UVRAG: variants seen among roughly 807,000 people sequenced by gnomAD.
UVRAG encodes the protein UV radiation resistance associated, also known as UV radiation resistance-associated gene protein.
In UVRAG, 19 loss-of-function variants were observed where a neutral mutation model predicts 78.0. The observed-to-expected ratio is 0.24, with a 90% CI of 0.17 to 0.36. UVRAG has a LOEUF of 0.36. Ranked by LOEUF, UVRAG falls within the 10% of genes least tolerant of loss-of-function variation. The pLI, the probability that UVRAG is intolerant of heterozygous loss-of-function variation, is 1.00. For synonymous variants in UVRAG, 323 were observed against 324.6 expected, an observed-to-expected ratio of 1.00 and a Z score of 0.05; for missense variants, 740 against 853.8, an observed-to-expected ratio of 0.87 and a Z score of 1.66.
chr11:76,102,394 G>A (rs967639497), intron 13 of UVRAG, among the ~76,000 whole-genome samples: 1 of 152,088 alleles, frequency 6.6e-6, no homozygotes, highest in Non-Finnish European at 1.5e-5. Context: ...TGTTGGGAAT[G>A]CTAGTGATTT....
chr11:75,856,076 G>C (rs1265002478), intron 2 of UVRAG, among the ~76,000 whole-genome samples: 2 of 151,998 alleles, frequency 1.3e-5, no homozygotes. Flanking sequence ...TGCAAGCTCC[G>C]CCTCCTGGGT....
chr11:75,981,608 C>T (rs764289868), intron 7 of UVRAG, among the ~76,000 whole-genome samples: 2 of 152,106 alleles, frequency 1.3e-5, no homozygotes, highest in Non-Finnish European at 2.9e-5. Context: ...AGCCATCTTG[C>T]CTGGCTCCAT....
At chr11:75,868,413 G>GA (rs1467775092) in intron 3 of UVRAG, among the ~76,000 whole-genome samples, 2 of 152,186 alleles carry the variant, frequency 1.3e-5, no homozygotes, top group Non-Finnish European at 2.9e-5. Flanking sequence ...ACAGCAGAGG[G>GA]AATGGCCTGG....
chr11:75,889,367 A>G (rs1490807810), intron 5 of UVRAG, among the ~76,000 whole-genome samples: 2 of 152,250 alleles, frequency 1.3e-5, no homozygotes, highest in Non-Finnish European at 2.9e-5. Context: ...AGTACCTACT[A>G]TCTATGGTAC....
At chr11:75,946,469 A>G (rs754511466) in intron 6 of UVRAG, among the ~76,000 whole-genome samples, 5 of 152,238 alleles carry the variant, frequency 3.3e-5, no homozygotes, top group Non-Finnish European at 7.3e-5. Flanking sequence ...GTGGCTTAAA[A>G]TAATACCTGT....
intron 6 of UVRAG, among the ~76,000 whole-genome samples, chr11:75,922,389 A>G (rs1947997492): frequency 6.6e-6 from 1 of 152,074 alleles, no homozygotes; most frequent in Admixed American, 6.5e-5. Context: ...AATCTTATTT[A>G]TATTTAGTAA....
chr11:75,876,029 A>AAAAG (rs10659328), intron 3 of UVRAG, among the ~76,000 whole-genome samples: 10,359 of 152,146 alleles, frequency 0.068, 512 homozygotes, highest in African/African-American at 0.14. Context: ...GAAAAAAAGA[A>AAAAG]AAAGAATGTG....
rs1293400978 is a variant in UVRAG, at chr11:76,116,051, A to G, written c.1397+36A>G. On this transcript the variant is annotated intron_variant, in intron 14 of 14. Transcript: ENST00000356136. ...TTATCTCTGATAACCAGAAACTGTA[A>G]TGTGGATAGGATCCTGAAAATCTTT... 3.8e-6 allele frequency: 6 copies of G among 1,585,994 alleles called. No individual in the cohort carries two copies. In the Admixed American group the frequency reaches 8.4e-5, roughly 22 times the overall value.
intron 5 of UVRAG, among the ~76,000 whole-genome samples, chr11:75,909,100 C>T (rs1947680682): frequency 6.6e-6 from 1 of 152,066 alleles, no homozygotes; most frequent in Non-Finnish European, 1.5e-5. Context: ...GTAATCCCAG[C>T]ACTTTGGGAG....
chr11:75,880,045 T>G lies in UVRAG; in HGVS notation c.432+5T>G, dbSNP rs1181176157. ...CTGAAATACTTGGGTCAGCAGGTAATTTTTAGACTGTAGTTTCAAGTAGTT... is the reference window on the plus strand; with the variant it reads ...CTGAAATACTTGGGTCAGCAGGTAAGTTTTAGACTGTAGTTTCAAGTAGTT... On this transcript the variant is annotated splice_donor_5th_base_variant and intron_variant, in intron 4 of 14. Coordinates refer to ENST00000356136, the MANE Select transcript of UVRAG (RefSeq NM_003369.4). The G allele has an allele frequency of 6.2e-7, 1 of 1,613,738 alleles. No individual in the cohort carries two copies. Among genetic ancestry groups the G allele is most frequent in the East Asian group, 2.2e-5 (1 of 44,874 alleles).
intron 8 of UVRAG, among the ~76,000 whole-genome samples, chr11:75,998,595 T>C (rs973145664): frequency 6.6e-5 from 10 of 152,094 alleles, no homozygotes; most frequent in African/African-American, 2.4e-4. Context: ...ACGAAGTAGC[T>C]TGAGTGTAAG....
intron 8 of UVRAG, among the ~76,000 whole-genome samples, chr11:75,984,180 T>A: frequency 6.6e-6 from 1 of 152,230 alleles, no homozygotes; most frequent in East Asian, 1.9e-4. Context: ...TGATATTTTC[T>A]TGCTATGCTA....
chr11:76,097,478 T>C (rs1261708060), intron 13 of UVRAG, among the ~76,000 whole-genome samples: 4 of 152,230 alleles, frequency 2.6e-5, no homozygotes, highest in Non-Finnish European at 2.9e-5. Context: ...ACTTCTTTTC[T>C]GAACCTTCTA....
chr11:75,838,043 A>G (rs1462417419), intron 1 of UVRAG, among the ~76,000 whole-genome samples: 1 of 152,148 alleles, frequency 6.6e-6, no homozygotes, highest in Non-Finnish European at 1.5e-5. Context: ...GCAATCCAAG[A>G]AAAGCCACAA....
chr11:76,015,614 A>T (rs1950132392), intron 11 of UVRAG, among the ~76,000 whole-genome samples: 1 of 152,134 alleles, frequency 6.6e-6, no homozygotes, highest in African/African-American at 2.4e-5. Context: ...AAAAAAATAT[A>T]TAAATAGTTA....
intron 8 of UVRAG, among the ~76,000 whole-genome samples, chr11:75,991,628 A>G (rs565752084): frequency 6.6e-6 from 1 of 152,302 alleles, no homozygotes; most frequent in South Asian, 2.1e-4. Context: ...ATTAAAATCT[A>G]CTGATTCCAA....
intron 12 of UVRAG, among the ~76,000 whole-genome samples, chr11:76,027,622 T>C (rs1323292869): frequency 6.6e-6 from 1 of 152,072 alleles, no homozygotes; most frequent in East Asian, 1.9e-4. Context: ...TAGGTTGTTG[T>C]AAGGATTAAA....
At chr11:75,937,839 T>C (rs1345731875) in intron 6 of UVRAG, among the ~76,000 whole-genome samples, 2 of 152,188 alleles carry the variant, frequency 1.3e-5, no homozygotes, top group Non-Finnish European at 2.9e-5. Flanking sequence ...GTCTCCTCCT[T>C]CATTATTTTC....
intron 5 of UVRAG, chr11:75,892,507 T>C (rs1947234828): frequency 1.4e-6 from 1 of 709,370 alleles, no homozygotes; most frequent in Non-Finnish European, 1.7e-6. Context: ...CACTTGGCCT[T>C]TCATAGAAGA....
Sources: allele counts gnomAD v4.1 joint callset (sites outside exome capture counted in the v4.1 genomes callset), GRCh38; gene constraint gnomAD v4.1.1; transcripts MANE v1.5; gene names NCBI Gene and HGNC (gene_info 2026-07-23, HGNC 2026-07-21).